The following CALCRL variants were observed in gnomAD, a reference collection of about 807,000 sequenced individuals.
The protein encoded by CALCRL is calcitonin receptor like receptor.
In CALCRL, 27 loss-of-function variants were observed where a neutral mutation model predicts 60.4. That is an observed-to-expected ratio of 0.45 (90% CI 0.33 to 0.62). CALCRL has a LOEUF of 0.62. Among genes scored for constraint, CALCRL ranks in the 20% least tolerant of loss-of-function variants. The pLI is 0.03. For synonymous variants in CALCRL, 190 were observed against 182.6 expected (o/e 1.04, Z -0.33); for missense variants, 424 against 540.7 (o/e 0.78, Z 2.14).
chr2:187,385,619 T>C lies in CALCRL; in HGVS notation c.-24A>G. ...ATCATTAAGCCAAAATGAAATATGC[T>C]GTATAACATAAACTGCAACAGAAAA... On this transcript the variant is annotated 5_prime_UTR_variant, in exon 4 of 15. Transcript: ENST00000392370. 6.6e-7 allele frequency: 1 copy of C among 1,520,394 alleles called. No individual in the cohort carries two copies. Among genetic ancestry groups the C allele is most frequent in the Non-Finnish European group, 9.0e-7 (1 of 1,114,648 alleles). 94.2% of individuals were successfully genotyped at this position (1,520,394 alleles called of 1,614,324 possible). A position where few individuals can be genotyped will look rare whatever the true frequency, so the allele number is the denominator to read the frequency against.
intron 1 of CALCRL, chr2:187,429,006 T>TA (rs1398517505): frequency 2.6e-5 from 4 of 152,024 alleles, no homozygotes; most frequent in African/African-American, 4.8e-5. Context: ...TTAGCTGGAT[T>TA]AAAATTTAAA....
At chr2:187,439,720 G>A (rs1197746493) in intron 1 of CALCRL, among the ~76,000 whole-genome samples, 1 of 151,998 alleles carries the variant, frequency 6.6e-6, no homozygotes, top group African/African-American at 2.4e-5. Context: ...TTAGGTATAT[G>A]GATATCTGGA....
At chr2:187,349,163 G>A (rs892828370) in intron 14 of CALCRL, among the ~76,000 whole-genome samples, 1 of 151,512 alleles carries the variant, frequency 6.6e-6, no homozygotes, top group African/African-American at 2.4e-5. Context: ...CTACCCTCAG[G>A]TGTTGTTAAA....
chr2:187,346,000 T>C lies in CALCRL; in HGVS notation c.*184A>G, dbSNP rs1686254418. The C allele has an allele frequency of 2.0e-6, 1 of 487,948 alleles. No individual in the cohort carries two copies. The highest frequency in any genetic ancestry group is 3.6e-6 in the Non-Finnish European group (1 of 276,248). 30.2% of individuals were successfully genotyped at this position (487,948 alleles called of 1,614,324 possible). On this transcript the variant is annotated 3_prime_UTR_variant, in exon 15 of 15. Transcript: ENST00000392370. ...CTGACAAACATTACAAACCAGGATT[T>C]CTTTTTTCCCACATAGAGCTGGATG...
chr2:187,379,999 T>C (rs75137292), intron 7 of CALCRL, among the ~76,000 whole-genome samples: 6,306 of 152,238 alleles, frequency 0.041, 421 homozygotes, highest in African/African-American at 0.14. Context: ...TTGACTCCAA[T>C]GTGTAGTGTT....
At chr2:187,377,949 A>G (rs1687830443) in intron 8 of CALCRL, among the ~76,000 whole-genome samples, 1 of 151,918 alleles carries the variant, frequency 6.6e-6, no homozygotes, top group African/African-American at 2.4e-5. Flanking sequence ...AATTATAGGT[A>G]TATATATCTT....
intron 13 of CALCRL, 21 bp downstream of exon 13, chr2:187,352,092 CT>C: frequency 6.2e-7 from 1 of 1,600,496 alleles, no homozygotes; most frequent in Admixed American, 1.7e-5. Context: ...CTCAAGCTGC[CT>C]TCTTATCAAG....
At chr2:187,350,197 G>A (rs698588) in intron 14 of CALCRL, among the ~76,000 whole-genome samples, 64,309 of 151,218 alleles carry the variant, frequency 0.43, 15,278 homozygotes, top group African/African-American at 0.64. Context: ...ATTAGTTCAT[G>A]GAATTAAAAT....
At chr2:187,438,476 T>G (rs1027091552) in intron 1 of CALCRL, among the ~76,000 whole-genome samples, 11 of 152,128 alleles carry the variant, frequency 7.2e-5, no homozygotes, top group African/African-American at 2.7e-4. Flanking sequence ...TAAACAGAAT[T>G]TGTATTCTGC....
At chr2:187,446,887 C>G (rs1205208932) in intron 1 of CALCRL, among the ~76,000 whole-genome samples, 1 of 151,732 alleles carries the variant, frequency 6.6e-6, no homozygotes, top group Non-Finnish European at 1.5e-5. Context: ...ATTAATGTGC[C>G]AGATATAAGT....
chr2:187,385,991 G>C (rs57778036), intron 3 of CALCRL, among the ~76,000 whole-genome samples: 3,033 of 152,140 alleles, frequency 0.02, 175 homozygotes, highest in East Asian at 0.14. Context: ...CTGCCCAGCA[G>C]ATTAAAATAT....
chr2:187,435,363 A>G (rs1394309926), intron 1 of CALCRL, among the ~76,000 whole-genome samples: 1 of 152,160 alleles, frequency 6.6e-6, no homozygotes, highest in East Asian at 1.9e-4. Flanking sequence ...GAACTAACTA[A>G]GCGAGAACTC....
At chr2:187,418,656 A>G (rs1252283115) in intron 1 of CALCRL, among the ~76,000 whole-genome samples, 3 of 152,150 alleles carry the variant, frequency 2.0e-5, no homozygotes, top group Non-Finnish European at 4.4e-5. Flanking sequence ...TTAAATTGCT[A>G]TTTAAATGAC....
chr2:187,379,048 C>CA lies in CALCRL; in HGVS notation c.409-18dup. ...TAGTGCAGTCTGTAATTTGTATAAACAAAAAAATTTGGTTCATATCAATAC... is the reference window on the plus strand; with the variant it reads ...TAGTGCAGTCTGTAATTTGTATAAACAAAAAAAATTTGGTTCATATCAATAC... On this transcript the variant is annotated splice_polypyrimidine_tract_variant and intron_variant, in intron 7 of 14. Coordinates refer to ENST00000392370, the MANE Select transcript of CALCRL (RefSeq NM_005795.6). 3 of 1,518,812 alleles carry CA rather than the reference C, an allele frequency of 2.0e-6. No homozygotes were observed. Among genetic ancestry groups the CA allele is most frequent in the Non-Finnish European group, 2.7e-6 (3 of 1,100,222 alleles). The allele number at this position is 1,518,812 out of a possible 1,614,324, so 94.1% of individuals were successfully genotyped here.
chr2:187,347,298 G>C (rs1686323630), intron 14 of CALCRL, among the ~76,000 whole-genome samples: 1 of 151,736 alleles, frequency 6.6e-6, no homozygotes, highest in African/African-American at 2.4e-5. Flanking sequence ...CACTGGCTTG[G>C]AGCAGCCTGC....
At chr2:187,380,994 A>T (rs941464132) in intron 5 of CALCRL, among the ~76,000 whole-genome samples, 1 of 152,056 alleles carries the variant, frequency 6.6e-6, no homozygotes, top group Non-Finnish European at 1.5e-5. Flanking sequence ...AATTAAATTT[A>T]AAAATATCTA....
intron 1 of CALCRL, among the ~76,000 whole-genome samples, chr2:187,404,034 T>A (rs1195248376): frequency 6.6e-6 from 1 of 151,880 alleles, no homozygotes; most frequent in East Asian, 1.9e-4. Context: ...TCAACTCAAT[T>A]GTATGTTTTT....
chr2:187,438,213 G>A (rs936457737), intron 1 of CALCRL, among the ~76,000 whole-genome samples: 1 of 152,106 alleles, frequency 6.6e-6, no homozygotes, highest in Non-Finnish European at 1.5e-5. Context: ...AATATAACTT[G>A]TGTAAAGATC....
At chr2:187,361,612 A>T (rs1246550559) in intron 9 of CALCRL, among the ~76,000 whole-genome samples, 1 of 151,994 alleles carries the variant, frequency 6.6e-6, no homozygotes, top group East Asian at 1.9e-4. Context: ...GTCATCACAG[A>T]ATAGTAATAA....
Sources: allele counts gnomAD v4.1 joint callset (sites outside exome capture counted in the v4.1 genomes callset), GRCh38; gene constraint gnomAD v4.1.1; transcripts MANE v1.5; gene names NCBI Gene and HGNC (gene_info 2026-07-23, HGNC 2026-07-21).